Variants in TFB1M observed in about 807,000 individuals in gnomAD.
The protein encoded by TFB1M is transcription factor B1, mitochondrial.
TFB1M carries 27 observed loss-of-function variants against 31.1 expected under a neutral mutation model. The observed-to-expected ratio is 0.87, with a 90% confidence interval of 0.64 to 1.20. The LOEUF (loss-of-function observed/expected upper bound fraction) is 1.20. Among genes scored for constraint, TFB1M ranks in the 50% most tolerant of loss-of-function variants. The pLI is 0.00. For synonymous variants in TFB1M, 166 were observed against 151.8 expected (o/e 1.09, Z -0.69); for missense variants, 394 against 418.7 (o/e 0.94, Z 0.51).
At chr6:155,249,973 C>G in the TFB1M span, 7 of 1,609,082 alleles carry the variant, frequency 4.4e-6, no homozygotes, top group Non-Finnish European at 5.9e-6. Flanking sequence ...GAAGGAGGTC[C>G]GTGAGACATC....
chr6:155,251,859 T>G, downstream of TFB1M: 1 of 1,040,766 alleles, frequency 9.6e-7, no homozygotes. Context: ...TTGGAGAGTG[T>G]TACTCTGTTA....
At chr6:155,302,967 T>G (rs192299347) in intron 2 of TFB1M, among the ~76,000 whole-genome samples, 30 of 152,330 alleles carry the variant, frequency 2.0e-4, no homozygotes, top group African/African-American at 6.7e-4. Context: ...GAAATGCCCC[T>G]TATAAAACCA....
intron 2 of TFB1M, among the ~76,000 whole-genome samples, chr6:155,308,805 C>T (rs1399764230): frequency 6.6e-5 from 10 of 152,232 alleles, no homozygotes; most frequent in Admixed American, 6.5e-5. Flanking sequence ...AAAAGTAATT[C>T]TATTAGCTTA....
rs780617437 is a variant in TFB1M, at chr6:155,298,537, C to T, written c.334G>A (p.Val112Ile). ...PGKLRIVHGD[V>I]LTFKVEKAFS... is the part of the protein sequence containing the mutation. ...GCCTTTTCTACCTTAAATGTCAAGA[C>T]ATCTCCATGAACAATTCTCAGTTTC... Residue 112 changes from valine (V) to isoleucine (I), a missense_variant, in exon 3 of 7, where the codon GTC becomes ATC. Physicochemically the swap from Val to Ile is conservative, Grantham distance 29. Around this residue, in one of 3 missense-constraint regions of TFB1M, gnomAD observed 273 missense variants for 256.4 expected, o/e 1.06. Transcript: ENST00000367166. The T allele has an allele frequency of 1.9e-6, 3 of 1,613,504 alleles. No homozygotes were observed. The highest frequency in any genetic ancestry group is 1.3e-5 in the African/African-American group (1 of 74,908).
At chr6:155,301,087 G>A (rs1035215892) in intron 2 of TFB1M, among the ~76,000 whole-genome samples, 3 of 152,172 alleles carry the variant, frequency 2.0e-5, no homozygotes, top group African/African-American at 7.2e-5. Flanking sequence ...TTACAGGTGT[G>A]AGCCACCATA....
At chr6:155,298,188 G>A (rs1405783175) in intron 3 of TFB1M, among the ~76,000 whole-genome samples, 2 of 152,048 alleles carry the variant, frequency 1.3e-5, no homozygotes, top group Non-Finnish European at 2.9e-5. Flanking sequence ...AATAACAATT[G>A]ATAGTTTACC....
intron 3 of TFB1M, among the ~76,000 whole-genome samples, chr6:155,298,104 A>G (rs1777259228): frequency 6.6e-6 from 1 of 152,274 alleles, no homozygotes; most frequent in Admixed American, 6.5e-5. Flanking sequence ...GAAGAATAAT[A>G]GAAAAAGTTA....
intron 3 of TFB1M, among the ~76,000 whole-genome samples, chr6:155,297,389 A>G (rs1777225629): frequency 6.6e-6 from 1 of 152,208 alleles, no homozygotes; most frequent in Non-Finnish European, 1.5e-5. Context: ...GGCTTGAGGA[A>G]AAAGAGAATT....
the TFB1M span, among the ~76,000 whole-genome samples, chr6:155,245,269 C>G: frequency 6.6e-6 from 1 of 152,258 alleles, no homozygotes; most frequent in Non-Finnish European, 1.5e-5. Context: ...TGGAACCATA[C>G]AGACAGCATC....
intron 2 of TFB1M, among the ~76,000 whole-genome samples, chr6:155,300,832 T>C (rs1253057295): frequency 6.6e-6 from 1 of 152,082 alleles, no homozygotes; most frequent in Non-Finnish European, 1.5e-5. Context: ...TGAGATGGAG[T>C]CTCGCTCTGT....
At chr6:155,232,461 T>G in the TFB1M span, 1 of 152,248 alleles carries the variant, frequency 6.6e-6, no homozygotes, top group African/African-American at 2.4e-5. Context: ...ACACCCTTTC[T>G]GGGGCTTGAC....
At chr6:155,290,914 C>A (rs796645541) in intron 4 of TFB1M, among the ~76,000 whole-genome samples, 13 of 152,178 alleles carry the variant, frequency 8.5e-5, no homozygotes, top group African/African-American at 3.1e-4. Context: ...TTCACAAGTC[C>A]CCCAGAGTTT....
downstream of TFB1M, chr6:155,255,338 G>A (rs891618420): frequency 4.6e-5 from 7 of 152,068 alleles, no homozygotes; most frequent in South Asian, 8.3e-4. Flanking sequence ...TTCAAATCAC[G>A]TTGTTCTTTC....
chr6:155,283,741 G>T (rs1776496378), intron 5 of TFB1M, among the ~76,000 whole-genome samples: 1 of 152,210 alleles, frequency 6.6e-6, no homozygotes, highest in African/African-American at 2.4e-5. Context: ...AGGCCTATGA[G>T]TAAGGATCTT....
chr6:155,247,599 A>T, the TFB1M span, among the ~76,000 whole-genome samples: 1 of 152,224 alleles, frequency 6.6e-6, no homozygotes. Context: ...AAGTGCTGGG[A>T]TTACGGGCGT....
intron 5 of TFB1M, among the ~76,000 whole-genome samples, chr6:155,272,250 G>A (rs1029253803): frequency 1.3e-5 from 2 of 152,010 alleles, no homozygotes; most frequent in African/African-American, 2.4e-5. Context: ...TAGGTCTTTC[G>A]GTATTATTTA....
chr6:155,314,198 G>A (rs1023500992), intron 1 of TFB1M, 98 bp downstream of exon 1: 1 of 1,567,052 alleles, frequency 6.4e-7, no homozygotes, highest in East Asian at 2.4e-5. Context: ...TCGCACGCCA[G>A]TGCCTGGACA....
intron 1 of TFB1M, among the ~76,000 whole-genome samples, chr6:155,313,697 AAAGT>A (rs1182086047): frequency 3.9e-5 from 6 of 152,332 alleles, no homozygotes; most frequent in Admixed American, 1.3e-4. Context: ...AAACTTGCTA[AAAGT>A]AAGCTCCTCG....
chr6:155,253,999 C>G (rs1367049860), downstream of TFB1M: 2 of 1,613,888 alleles, frequency 1.2e-6, no homozygotes, highest in East Asian at 2.2e-5. Flanking sequence ...CATATGGGAA[C>G]TGATCCATAC....
Sources: gnomAD v4.1 joint callset for allele counts (sites outside exome capture counted in the v4.1 genomes callset) on GRCh38, gnomAD v4.1.1 for gene constraint, gnomAD v4.1.1 regional missense constraint, MANE v1.5 for transcripts, NCBI Gene and HGNC (gene_info 2026-07-23, HGNC 2026-07-21) for gene names.